Variants in RPGRIP1 observed in about 807,000 individuals in gnomAD.
RPGRIP1 encodes X-linked retinitis pigmentosa GTPase regulator-interacting protein 1.
A neutral mutation model predicts 157.9 loss-of-function variants in RPGRIP1; 128 were observed. The observed-to-expected ratio is 0.81, with a 90% CI of 0.70 to 0.94. The LOEUF (loss-of-function observed/expected upper bound fraction) is 0.94. RPGRIP1 is among the 40% of genes least tolerant of loss of function. The pLI, the probability that RPGRIP1 is intolerant of heterozygous loss-of-function variation, is 0.00. For synonymous variants in RPGRIP1, 554 were observed against 571.6 expected, an observed-to-expected ratio of 0.97 and a Z score of 0.44; for missense variants, 1,486 against 1,545.8, an observed-to-expected ratio of 0.96 and a Z score of 0.65.
chr14:21,300,045 C>T (rs1237784402), intron 3 of RPGRIP1, among the ~76,000 whole-genome samples: 6 of 152,132 alleles, frequency 3.9e-5, no homozygotes, highest in Non-Finnish European at 8.8e-5. Context: ...CATGTAATCC[C>T]AACACTTTGG....
intron 24 of RPGRIP1, among the ~76,000 whole-genome samples, chr14:21,350,308 G>A (rs138816171): frequency 9.3e-5 from 14 of 150,214 alleles, no homozygotes; most frequent in South Asian, 2.1e-4. Flanking sequence ...CCCGGGAGGC[G>A]GAGGTTGCAG....
intron 2 of RPGRIP1, among the ~76,000 whole-genome samples, chr14:21,288,266 C>T (rs191633603): frequency 1.5e-4 from 23 of 150,636 alleles, no homozygotes; most frequent in Admixed American, 1.4e-3. Flanking sequence ...CTGCAGCCTC[C>T]GACTCCTGGG....
intron 9 of RPGRIP1, among the ~76,000 whole-genome samples, 160 bp downstream of exon 9, chr14:21,312,130 G>A (rs1323921532): frequency 1.3e-5 from 2 of 152,206 alleles, no homozygotes. Flanking sequence ...TAGAGGGAAA[G>A]CTTGGATTTG....
intron 7 of RPGRIP1, among the ~76,000 whole-genome samples, chr14:21,308,738 C>T (rs945580548): frequency 2.0e-5 from 3 of 152,146 alleles, no homozygotes; most frequent in Admixed American, 1.3e-4. Context: ...GAGAAGGACT[C>T]CAAAGCAGAG....
At chr14:21,333,924 C>CTTTTTTTTTT (rs372543522) in intron 20 of RPGRIP1, among the ~76,000 whole-genome samples, 1 of 130,540 alleles carries the variant, frequency 7.7e-6, no homozygotes, top group African/African-American at 2.9e-5. Context: ...TTGAGGCCAC[C>CTTTTTTTTTT]TTTTTTTTTT....
chr14:21,293,222 C>T (rs1297663326), intron 2 of RPGRIP1, among the ~76,000 whole-genome samples: 1 of 152,046 alleles, frequency 6.6e-6, no homozygotes, highest in Non-Finnish European at 1.5e-5. Context: ...AGACCTGGGC[C>T]AGTGAACACT....
At chr14:21,312,243 C>G (rs1045125176) in intron 9 of RPGRIP1, among the ~76,000 whole-genome samples, 190 bp from the exon 10 acceptor site, 1 of 152,250 alleles carries the variant, frequency 6.6e-6, no homozygotes, top group East Asian at 1.9e-4. Context: ...GGAAAATCCT[C>G]ATTAATCCCA....
intron 1 of RPGRIP1, among the ~76,000 whole-genome samples, chr14:21,287,396 G>A (rs911146364): frequency 2.6e-5 from 4 of 152,194 alleles, no homozygotes; most frequent in Admixed American, 2.6e-4. Context: ...GGTCATTTCA[G>A]AGCTCCCAAG....
intron 7 of RPGRIP1, among the ~76,000 whole-genome samples, chr14:21,309,164 C>G (rs1881443246): frequency 6.6e-6 from 1 of 152,170 alleles, no homozygotes; most frequent in African/African-American, 2.4e-5. Flanking sequence ...ACCCCTTTTC[C>G]TCTCTATCTG....
In RPGRIP1 at chr14:21,325,279, C is replaced by T. The variant is rs376493676; in HGVS notation, c.2263C>T (p.Arg755Cys). 2.3e-5 allele frequency: 37 copies of T among 1,613,496 alleles called. No homozygotes were observed. Among genetic ancestry groups the T allele is most frequent in the Middle Eastern group, 1.6e-4 (1 of 6,062 alleles). The change falls in exon 16 of 25, where the codon CGT becomes TGT. Residue 755 changes from arginine to cysteine, a missense_variant. Coordinates refer to ENST00000400017, the MANE Select transcript of RPGRIP1 (RefSeq NM_020366.4). ...GGTTCTAGAGTACTGGATGAGGCTGCGTTTCCCCATAAAACCCAGCCTACA... is the reference window on the plus strand; with the variant it reads ...GGTTCTAGAGTACTGGATGAGGCTGTGTTTCCCCATAAAACCCAGCCTACA... ...FGVLEYWMRL[R>C]FPIKPSLQAC...
chr14:21,346,325 A>G (rs949085843), intron 23 of RPGRIP1, among the ~76,000 whole-genome samples: 2 of 152,062 alleles, frequency 1.3e-5, no homozygotes, highest in Non-Finnish European at 2.9e-5. Flanking sequence ...TGAGGCGGGC[A>G]GATCACTTGA....
intron 1 of RPGRIP1, among the ~76,000 whole-genome samples, chr14:21,282,461 C>T (rs936228598): frequency 1.3e-5 from 2 of 152,132 alleles, no homozygotes; most frequent in African/African-American, 4.8e-5. Flanking sequence ...TGGTCTCGAT[C>T]TCCTGACCTC....
intron 2 of RPGRIP1, among the ~76,000 whole-genome samples, chr14:21,293,997 G>A (rs1308822763): frequency 2.9e-5 from 4 of 137,898 alleles, no homozygotes; most frequent in African/African-American, 1.1e-4. Flanking sequence ...AGGTTGCAGT[G>A]AGCCAAGATC....
chr14:21,310,900 A>T (rs201852827), intron 8 of RPGRIP1: 1 of 618,224 alleles, frequency 1.6e-6, no homozygotes, highest in African/African-American at 1.8e-5. Flanking sequence ...AAACTTCCTA[A>T]GAGTATTCTT....
At chr14:21,297,879 T>TTCTC (rs1566670186) in intron 3 of RPGRIP1, among the ~76,000 whole-genome samples, 14 of 150,834 alleles carry the variant, frequency 9.3e-5, no homozygotes, top group African/African-American at 3.4e-4. Flanking sequence ...CTTTCTTTCT[T>TTCTC]TTTTTTGAGA....
At chr14:21,330,043 A>G (rs180832104) in intron 19 of RPGRIP1, among the ~76,000 whole-genome samples, 1,977 of 151,490 alleles carry the variant, frequency 0.013, 22 homozygotes, top group Middle Eastern at 0.034. Context: ...GCTTGAACCC[A>G]GGAGGCGAAG....
intron 20 of RPGRIP1, among the ~76,000 whole-genome samples, chr14:21,331,720 T>A (rs1883814769): frequency 6.6e-6 from 1 of 152,130 alleles, no homozygotes. Flanking sequence ...GTGCTACCAG[T>A]GTTCTATTTC....
intron 19 of RPGRIP1, 28 bp downstream of exon 19, chr14:21,328,655 A>G (rs1184714072): frequency 1.3e-6 from 2 of 1,513,236 alleles, no homozygotes; most frequent in Non-Finnish European, 1.8e-6. Context: ...CTGAAGCACT[A>G]AATTGTGGGT....
In RPGRIP1 at chr14:21,328,663, G is replaced by T. The variant is rs574986013; in HGVS notation, c.3099+36G>T. On this transcript the variant is annotated intron_variant, in intron 19 of 24. Coordinates refer to ENST00000400017, the MANE Select transcript of RPGRIP1 (RefSeq NM_020366.4). ...AAAAACTCTGAAGCACTAAATTGTG[G>T]GTTGTAGTGTCCCCAGATGTATTAT... 55 of 1,407,858 alleles carry T rather than the reference G, an allele frequency of 3.9e-5. No homozygotes were observed. In the Admixed American group the frequency reaches 9.3e-4, roughly 24 times the overall value. 87.2% of individuals were successfully genotyped at this position (1,407,858 alleles called of 1,614,324 possible).
Sources: gnomAD v4.1 joint callset for allele counts (sites outside exome capture counted in the v4.1 genomes callset) on GRCh38, gnomAD v4.1.1 for gene constraint, MANE v1.5 for transcripts, NCBI Gene and HGNC (gene_info 2026-07-23, HGNC 2026-07-21) for gene names.